The following NCOR1 variants were observed in gnomAD, a reference collection of about 807,000 sequenced individuals.
NCOR1 encodes protein phosphatase 1, regulatory subunit 109.
Under a neutral mutation model 288.1 loss-of-function variants are expected in NCOR1, and 63 were observed. That is an observed-to-expected ratio of 0.22 (90% CI 0.18 to 0.27). The LOEUF (loss-of-function observed/expected upper bound fraction) is 0.27. Among genes scored for constraint, NCOR1 ranks in the 10% least tolerant of loss-of-function variants. The pLI, the probability that NCOR1 is intolerant of heterozygous loss-of-function variation, is 1.00. For synonymous variants in NCOR1, 1,007 were observed against 1,065.9 expected, an observed-to-expected ratio of 0.94 and a Z score of 1.08; for missense variants, 2,397 against 3,019.2, an observed-to-expected ratio of 0.79 and a Z score of 4.83.
At position 16,139,106 on chromosome 17, in the gene NCOR1, A is replaced by C; in HGVS notation, c.1254T>G (p.Ile418Met). ...FDAEQRRVKF[I>M]NMNGLMEDPM... ...GGTCCTCCATAAGCCCATTCATGTT[A>C]ATGAACTTGACTCGTCTTTGTTCTG... The change falls in exon 12 of 46, where the codon ATT becomes ATG. Residue 418 changes from isoleucine to methionine, a missense_variant. Transcript: ENST00000268712. The C allele has an allele frequency of 6.2e-7, 1 of 1,613,474 alleles. No individual in the cohort carries two copies. The highest frequency in any genetic ancestry group is 8.5e-7 in the Non-Finnish European group (1 of 1,179,546).
chr17:16,162,256 T>C (rs75133770), intron 5 of NCOR1, among the ~76,000 whole-genome samples: 1 of 151,898 alleles, frequency 6.6e-6, no homozygotes, highest in Admixed American at 6.6e-5. Flanking sequence ...TTGCTCAGAA[T>C]GAAGCCCAAA....
At chr17:16,118,941 A>G (rs113312195) in intron 17 of NCOR1, among the ~76,000 whole-genome samples, 4 of 152,218 alleles carry the variant, frequency 2.6e-5, no homozygotes, top group African/African-American at 9.6e-5. Context: ...CCTGGTTACA[A>G]ACTTCATGCT....
At chr17:16,068,706 T>C (rs1326537752) in intron 31 of NCOR1, among the ~76,000 whole-genome samples, 1 of 144,996 alleles carries the variant, frequency 6.9e-6, no homozygotes, top group Non-Finnish European at 1.5e-5. Context: ...TTATTAGCCA[T>C]CATCCTCAAT....
Position 16,092,051 on chromosome 17 carries a change from C to T in NCOR1, c.2828G>A (p.Cys943Tyr). ...TCCAATTGGTATGTTACATGGGGTG[C>T]AGGATACCTATAGGAAGAAAATAAA... ...RAAVIPPMVS[C>Y]TPCNIPIGTP... Residue 943 changes from cysteine (C) to tyrosine (Y), a missense_variant, in exon 22 of 46, where the codon TGC (cysteine) becomes TAC (tyrosine). Cys to Tyr is a radical substitution (Grantham distance 194). This residue lies in a region of NCOR1 where 1,872 missense variants were observed against 2,187.8 expected (regional missense o/e 0.86). Coordinates refer to ENST00000268712, the MANE Select transcript of NCOR1 (RefSeq NM_006311.4). 42 of 1,613,778 alleles carry T rather than the reference C, an allele frequency of 2.6e-5. No homozygotes were observed. Among genetic ancestry groups the T allele is most frequent in the Non-Finnish European group, 3.6e-5 (42 of 1,180,016 alleles).
chr17:16,195,464 C>A (rs890951109), intron 1 of NCOR1, among the ~76,000 whole-genome samples: 1 of 143,898 alleles, frequency 6.9e-6, no homozygotes, highest in Non-Finnish European at 1.5e-5. Context: ...GAGCAAGACT[C>A]CGTCTCAAAA....
intron 12 of NCOR1, among the ~76,000 whole-genome samples, chr17:16,138,645 T>C (rs569857196): frequency 1.1e-4 from 16 of 152,246 alleles, no homozygotes; most frequent in East Asian, 5.8e-4. Flanking sequence ...TGAGGAACAA[T>C]TGTAGAATCA....
Position 16,039,483 on chromosome 17 carries a change from A to G in NCOR1, c.6905T>C (p.Val2302Ala). 1.9e-6 allele frequency: 3 copies of G among 1,614,114 alleles called. No individual in the cohort carries two copies. The highest frequency in any genetic ancestry group is 2.5e-6 in the Non-Finnish European group (3 of 1,180,008). ...CTCTCTTCGTGTCTCACCACTGGTCACAACTGAGGTGTTGGCAGTACCAGG... is the reference window on the plus strand; with the variant it reads ...CTCTCTTCGTGTCTCACCACTGGTCGCAACTGAGGTGTTGGCAGTACCAGG... The part of the protein sequence containing the change: ...VVPGTANTSV[V>A]TSGETRREEG... Residue 2302 changes from valine to alanine, a missense_variant, in exon 44 of 46, where the codon GTG becomes GCG. By Grantham distance (64) the Val-to-Ala change is moderately conservative. This residue lies in a region of NCOR1 where 1,872 missense variants were observed against 2,187.8 expected (regional missense o/e 0.86). Transcript: ENST00000268712.
At chr17:16,046,308 A>G (rs998978707) in intron 42 of NCOR1, among the ~76,000 whole-genome samples, 3 of 152,328 alleles carry the variant, frequency 2.0e-5, no homozygotes, top group Middle Eastern at 3.4e-3. Flanking sequence ...CTTGACATCA[A>G]CGTTCATACT....
intron 5 of NCOR1, among the ~76,000 whole-genome samples, chr17:16,163,555 T>C (rs77784722): frequency 1.3e-5 from 2 of 152,086 alleles, no homozygotes; most frequent in Admixed American, 1.3e-4. Flanking sequence ...AACCTCCATA[T>C]ACTGCTGGTA....
At chr17:16,145,861 G>A (rs955390762) in intron 10 of NCOR1, among the ~76,000 whole-genome samples, 14 of 152,236 alleles carry the variant, frequency 9.2e-5, no homozygotes, top group Admixed American at 6.5e-5. Flanking sequence ...GAGAGGGGGG[G>A]AAATGTGGCG....
rs1366713592 is a variant in NCOR1 at position 16,061,539 on chromosome 17, A to G, written c.5743T>C (p.Tyr1915His). 2 of 1,614,188 alleles carry G rather than the reference A, an allele frequency of 1.2e-6. No homozygotes were observed. Among genetic ancestry groups the G allele is most frequent in the Non-Finnish European group, 1.7e-6 (2 of 1,180,036 alleles). ...KDKGPPPKSRYEEELRTRGKT... is the reference protein window; with the variant it reads ...KDKGPPPKSRHEEELRTRGKT... ...CCTCTGGTCCTTAGCTCTTCCTCAT[A>G]TCTGGATTTTGGAGGAGGCCCTTTA... The change falls in exon 37 of 46, where the codon TAT becomes CAT. Residue 1915 changes from tyrosine to histidine, a missense_variant. This residue lies in a region of NCOR1 where 1,872 missense variants were observed against 2,187.8 expected (regional missense o/e 0.86). Coordinates refer to ENST00000268712, the MANE Select transcript of NCOR1 (RefSeq NM_006311.4).
intron 19 of NCOR1, among the ~76,000 whole-genome samples, chr17:16,107,438 A>G (rs1341673395): frequency 3.3e-5 from 5 of 152,200 alleles, no homozygotes; most frequent in Non-Finnish European, 2.9e-5. Context: ...TGTAAGGACA[A>G]AGTAACAAGG....
chr17:16,181,200 C>CTT (rs1568519091), intron 3 of NCOR1, among the ~76,000 whole-genome samples: 1 of 75,618 alleles, frequency 1.3e-5, no homozygotes, highest in South Asian at 5.2e-4. Flanking sequence ...TGTGTGTATA[C>CTT]ATATATATGT....
intron 2 of NCOR1, among the ~76,000 whole-genome samples, chr17:16,188,544 G>A (rs1338908230): frequency 5.9e-5 from 9 of 151,788 alleles, no homozygotes; most frequent in Admixed American, 1.3e-4. Context: ...CCAGGAGGGG[G>A]AGGGTGCAGT....
At chr17:16,107,111 G>A (rs1598716368) in intron 19 of NCOR1, among the ~76,000 whole-genome samples, 1 of 151,552 alleles carries the variant, frequency 6.6e-6, no homozygotes, top group South Asian at 2.1e-4. Context: ...TAGCCAGGAT[G>A]GTCTCAATCT....
chr17:16,195,177 T>C (rs554827753), intron 1 of NCOR1, among the ~76,000 whole-genome samples: 2 of 152,206 alleles, frequency 1.3e-5, no homozygotes, highest in South Asian at 2.1e-4. Flanking sequence ...AAATAGCAAA[T>C]AAAGAAAAAG....
chr17:16,099,790 A>T (rs1052454816), intron 20 of NCOR1, among the ~76,000 whole-genome samples: 4 of 152,236 alleles, frequency 2.6e-5, no homozygotes, highest in Non-Finnish European at 5.9e-5. Flanking sequence ...AAAGAAAAAG[A>T]GTGATAGTCA....
At chr17:16,192,892 T>C (rs2088818757) in intron 2 of NCOR1, among the ~76,000 whole-genome samples, 1 of 152,030 alleles carries the variant, frequency 6.6e-6, no homozygotes, top group Admixed American at 6.6e-5. Context: ...ATGTCAGACA[T>C]GGATAGATCA....
intron 18 of NCOR1, among the ~76,000 whole-genome samples, chr17:16,110,955 A>G (rs2069995741): frequency 6.6e-6 from 1 of 152,232 alleles, no homozygotes; most frequent in South Asian, 2.1e-4. Context: ...TTTCAAGGAT[A>G]ATAACTACTT....
Sources: allele counts gnomAD v4.1 joint callset (sites outside exome capture counted in the v4.1 genomes callset), GRCh38; gene constraint gnomAD v4.1.1; regional missense constraint gnomAD v4.1.1; transcripts MANE v1.5; gene names NCBI Gene and HGNC (gene_info 2026-07-23, HGNC 2026-07-21).